The following PDE7B variants were observed in gnomAD, a reference collection of about 807,000 sequenced individuals.
PDE7B encodes 3',5'-cyclic-AMP phosphodiesterase 7B.
Under a neutral mutation model 56.2 loss-of-function variants are expected in PDE7B, and 29 were observed. The ratio of observed to expected loss-of-function variants is 0.52; its 90% CI spans 0.38 to 0.70. PDE7B has a LOEUF of 0.70. Ranked by LOEUF, PDE7B falls within the 30% of genes least tolerant of loss-of-function variation. The probability of loss-of-function intolerance (pLI) is 0.00; values close to 1 mark genes in which losing one functional copy is unlikely to be tolerated. For missense variants in PDE7B, 490 were observed against 565.0 expected, an observed-to-expected ratio of 0.87 and a Z score of 1.35; for synonymous variants, 197 against 196.9, an observed-to-expected ratio of 1.00 and a Z score of 0.00.
At chr6:136,029,493 G>A (rs1158818508) in intron 2 of PDE7B, among the ~76,000 whole-genome samples, 3 of 152,140 alleles carry the variant, frequency 2.0e-5, no homozygotes, top group Non-Finnish European at 2.9e-5. Context: ...CAAATGCAAA[G>A]ATGTCTCAGA....
intron 2 of PDE7B, among the ~76,000 whole-genome samples, chr6:136,016,971 A>C (rs897179222): frequency 2.0e-5 from 3 of 152,222 alleles, no homozygotes; most frequent in Non-Finnish European, 4.4e-5. Context: ...GAAGGTAGGG[A>C]CAGTTGCTAC....
chr6:135,897,266 GT>G (rs1272014441), intron 1 of PDE7B, among the ~76,000 whole-genome samples: 6 of 24,338 alleles, frequency 2.5e-4, no homozygotes, highest in African/African-American at 4.8e-4. Flanking sequence ...GTGTCAGGGT[GT>G]GTGTGTGTGT....
At chr6:136,003,910 T>G (rs1308945493) in intron 2 of PDE7B, among the ~76,000 whole-genome samples, 1 of 152,106 alleles carries the variant, frequency 6.6e-6, no homozygotes, top group Non-Finnish European at 1.5e-5. Flanking sequence ...AAAAGAGAAT[T>G]TTAGACCAAT....
intron 2 of PDE7B, chr6:136,037,542 C>G (rs1562476222): frequency 1.0e-6 from 1 of 985,230 alleles, no homozygotes; most frequent in Admixed American, 6.1e-5. Context: ...GGGCAAGGTG[C>G]CCCCCAACCC....
At chr6:135,890,260 G>C (rs555653780) in intron 1 of PDE7B, among the ~76,000 whole-genome samples, 1 of 152,284 alleles carries the variant, frequency 6.6e-6, no homozygotes, top group South Asian at 2.1e-4. Context: ...GTGGACAAGC[G>C]AAGAATTTCC....
intron 1 of PDE7B, among the ~76,000 whole-genome samples, chr6:135,945,262 C>T (rs1243073387): frequency 6.6e-6 from 1 of 152,082 alleles, no homozygotes; most frequent in African/African-American, 2.4e-5. Flanking sequence ...CCCCATGTTA[C>T]TTATGAAGAA....
intron 3 of PDE7B, among the ~76,000 whole-genome samples, chr6:136,121,154 C>T (rs1777927040): frequency 6.6e-6 from 1 of 152,156 alleles, no homozygotes; most frequent in Non-Finnish European, 1.5e-5. Flanking sequence ...TCACTCATCA[C>T]CTGAAGCCAG....
intron 8 of PDE7B, among the ~76,000 whole-genome samples, chr6:136,171,094 G>A (rs1778870917): frequency 6.6e-6 from 1 of 152,054 alleles, no homozygotes; most frequent in Non-Finnish European, 1.5e-5. Flanking sequence ...TGAAGTCAAT[G>A]GTACAGACAT....
chr6:135,890,349 C>T (rs1775788989), intron 1 of PDE7B, among the ~76,000 whole-genome samples: 1 of 152,132 alleles, frequency 6.6e-6, no homozygotes, highest in African/African-American at 2.4e-5. Flanking sequence ...TCCTATGGTA[C>T]TTAGAGCCAC....
intron 3 of PDE7B, among the ~76,000 whole-genome samples, chr6:136,142,949 C>T (rs752315394): frequency 1.1e-4 from 17 of 152,116 alleles, no homozygotes; most frequent in Non-Finnish European, 2.4e-4. Flanking sequence ...AGCCTATTTA[C>T]ATTTAAGGTT....
intron 11 of PDE7B, among the ~76,000 whole-genome samples, chr6:136,185,358 G>A (rs1293518449): frequency 2.0e-5 from 3 of 152,138 alleles, no homozygotes; most frequent in Non-Finnish European, 4.4e-5. Flanking sequence ...TACTAGTGGT[G>A]TGACCTACTA....
chr6:135,905,282 C>T (rs922829699), intron 1 of PDE7B, among the ~76,000 whole-genome samples: 22 of 151,880 alleles, frequency 1.4e-4, no homozygotes, highest in African/African-American at 4.3e-4. Context: ...GTAAAATAGT[C>T]CCGTTTTTTA....
chr6:136,001,248 G>T (rs1393332828), intron 2 of PDE7B, among the ~76,000 whole-genome samples: 1 of 152,158 alleles, frequency 6.6e-6, no homozygotes, highest in Admixed American at 6.5e-5. Flanking sequence ...CAAAGATGGG[G>T]AGAAAACAGA....
At chr6:135,925,540 T>C (rs980265212) in intron 1 of PDE7B, among the ~76,000 whole-genome samples, 2 of 152,236 alleles carry the variant, frequency 1.3e-5, no homozygotes, top group South Asian at 2.1e-4. Context: ...ACTATTTCAC[T>C]AGATGAAATT....
At chr6:136,044,885 A>G (rs1397127459) in intron 2 of PDE7B, 1 of 152,090 alleles carries the variant, frequency 6.6e-6, no homozygotes, top group East Asian at 1.9e-4. Context: ...TGGTATTCCC[A>G]AGATCTCTGC....
chr6:135,873,851 C>G (rs1016374931), intron 1 of PDE7B, among the ~76,000 whole-genome samples: 3 of 151,960 alleles, frequency 2.0e-5, no homozygotes, highest in Non-Finnish European at 2.9e-5. Flanking sequence ...ATGTATCCAC[C>G]ACACAGATGG....
chr6:135,942,394 TTG>T (rs1343255136), intron 1 of PDE7B, among the ~76,000 whole-genome samples: 2 of 152,160 alleles, frequency 1.3e-5, no homozygotes, highest in East Asian at 3.8e-4. Context: ...TATATATCTA[TTG>T]TGTACAGCAT....
intron 1 of PDE7B, among the ~76,000 whole-genome samples, chr6:135,922,477 G>T (rs2128195580): frequency 6.6e-6 from 1 of 152,220 alleles, no homozygotes; most frequent in South Asian, 2.1e-4. Flanking sequence ...ACCAGTCTGG[G>T]TTTATTTATG....
intron 2 of PDE7B, among the ~76,000 whole-genome samples, chr6:136,023,878 C>T (rs1221838839): frequency 2.0e-5 from 3 of 152,056 alleles, no homozygotes; most frequent in African/African-American, 2.4e-5. Context: ...TCACTACTTT[C>T]GTGCCCAAAA....
Sources: allele counts gnomAD v4.1 joint callset (sites outside exome capture counted in the v4.1 genomes callset), GRCh38; gene constraint gnomAD v4.1.1; transcripts MANE v1.5; gene names NCBI Gene and HGNC (gene_info 2026-07-23, HGNC 2026-07-21).